GALNTL6: variants seen among roughly 807,000 people sequenced by gnomAD.
GALNTL6 encodes polypeptide N-acetylgalactosaminyltransferase like 6.
Under a neutral mutation model 73.7 loss-of-function variants are expected in GALNTL6, and 46 were observed. That is an observed-to-expected ratio of 0.62 (90% CI 0.49 to 0.80). GALNTL6 has a LOEUF of 0.80. Ranked by LOEUF, GALNTL6 falls within the 30% of genes least tolerant of loss-of-function variation. GALNTL6 has a pLI of 0.00. For missense variants in GALNTL6, 604 were observed against 755.0 expected (o/e 0.80, Z 2.34); for synonymous variants, 259 against 263.7 (o/e 0.98, Z 0.17).
intron 10 of GALNTL6, among the ~76,000 whole-genome samples, chr4:172,975,885 C>T (rs1025803868): frequency 6.6e-6 from 1 of 152,188 alleles, no homozygotes; most frequent in Non-Finnish European, 1.5e-5. Flanking sequence ...CAGGAGTAGG[C>T]ACTTCGGAGC....
At chr4:172,558,947 T>C (rs1032500830) in intron 5 of GALNTL6, among the ~76,000 whole-genome samples, 1 of 152,082 alleles carries the variant, frequency 6.6e-6, no homozygotes, top group Non-Finnish European at 1.5e-5. Flanking sequence ...GTTTATTCAG[T>C]GCTTTTTGTC....
intron 2 of GALNTL6, among the ~76,000 whole-genome samples, chr4:171,909,410 C>A (rs1026993614): frequency 6.6e-6 from 1 of 152,236 alleles, no homozygotes; most frequent in South Asian, 2.1e-4. Context: ...CTGATGCTGG[C>A]TTTCACCTTG....
chr4:171,925,244 T>C lies in GALNTL6; in HGVS notation c.138+110526T>C, dbSNP rs1168519434. Among the ~76,000 whole-genome samples the C allele has an allele frequency of 2.0e-5, 3 of 152,160 alleles. No homozygotes were observed. In the East Asian group the frequency reaches 5.8e-4, roughly 29 times the overall value. Reference sequence around the variant, plus strand: ...AGAACTCAAATGCCTAGAAGGATTTTACCTAAGGATGTCGCAGTGCCTGAG... The same window carrying C: ...AGAACTCAAATGCCTAGAAGGATTTCACCTAAGGATGTCGCAGTGCCTGAG... On this transcript the variant is annotated intron_variant, in intron 2 of 12. Transcript: ENST00000506823.
chr4:172,936,717 G>A (rs1748638353), intron 9 of GALNTL6, among the ~76,000 whole-genome samples: 1 of 152,102 alleles, frequency 6.6e-6, no homozygotes, highest in Non-Finnish European at 1.5e-5. Context: ...GGGATGTGAA[G>A]GACCTCTTCA....
intron 2 of GALNTL6, among the ~76,000 whole-genome samples, chr4:172,097,614 A>G (rs1238533529): frequency 1.3e-5 from 2 of 152,202 alleles, no homozygotes; most frequent in African/African-American, 4.8e-5. Context: ...AGAACCATGA[A>G]AATTAAAGCA....
intron 5 of GALNTL6, among the ~76,000 whole-genome samples, chr4:172,770,273 A>AAATAAATG (rs1243208951): frequency 6.7e-6 from 1 of 150,150 alleles, no homozygotes; most frequent in South Asian, 2.1e-4. Context: ...CTCAATAAAT[A>AAATAAATG]AATAAATAAA....
At chr4:172,939,376 A>G (rs1207335233) in intron 9 of GALNTL6, among the ~76,000 whole-genome samples, 6 of 152,242 alleles carry the variant, frequency 3.9e-5, no homozygotes, top group African/African-American at 9.6e-5. Context: ...GGCATCTTCC[A>G]TAAATAATGT....
At chr4:172,592,969 A>G (rs1737710003) in intron 5 of GALNTL6, among the ~76,000 whole-genome samples, 1 of 152,132 alleles carries the variant, frequency 6.6e-6, no homozygotes, top group Admixed American at 6.5e-5. Context: ...AGGATTTGAA[A>G]TATGAGCACC....
chr4:172,181,978 A>G (rs1011063821), intron 2 of GALNTL6, among the ~76,000 whole-genome samples: 4 of 151,942 alleles, frequency 2.6e-5, no homozygotes, highest in Non-Finnish European at 2.9e-5. Context: ...CGGCCTCCCA[A>G]AGTGCTGGGA....
chr4:172,592,742 G>A (rs1021299002), intron 5 of GALNTL6, among the ~76,000 whole-genome samples: 3 of 151,128 alleles, frequency 2.0e-5, no homozygotes, highest in African/African-American at 7.3e-5. Context: ...AGGATCCTGG[G>A]ATCTTCTCAT....
chr4:172,217,751 T>C (rs1236396276), intron 2 of GALNTL6, among the ~76,000 whole-genome samples: 1 of 152,194 alleles, frequency 6.6e-6, no homozygotes. Context: ...TTTTGTCCTA[T>C]ATGAATATAG....
intron 2 of GALNTL6, among the ~76,000 whole-genome samples, chr4:172,049,371 T>C (rs1391544690): frequency 6.6e-6 from 1 of 152,188 alleles, no homozygotes; most frequent in East Asian, 1.9e-4. Context: ...TGCCCATTTC[T>C]TATCTTTATT....
At chr4:172,053,921 A>C (rs1730948853) in intron 2 of GALNTL6, among the ~76,000 whole-genome samples, 1 of 152,158 alleles carries the variant, frequency 6.6e-6, no homozygotes, top group Admixed American at 6.6e-5. Flanking sequence ...AACAAAAACT[A>C]AAGTAATCAC....
At chr4:172,453,219 A>G (rs1238166382) in intron 5 of GALNTL6, among the ~76,000 whole-genome samples, 1 of 151,832 alleles carries the variant, frequency 6.6e-6, no homozygotes, top group African/African-American at 2.4e-5. Flanking sequence ...AAAAAAAAAG[A>G]TGTGCAATGT....
At chr4:172,784,380 C>T (rs138642551) in intron 5 of GALNTL6, among the ~76,000 whole-genome samples, 1 of 152,084 alleles carries the variant, frequency 6.6e-6, no homozygotes, top group African/African-American at 2.4e-5. Context: ...AGTATTAAAA[C>T]TTTTTCTTCC....
At chr4:172,807,264 C>T (rs377141845) in intron 5 of GALNTL6, among the ~76,000 whole-genome samples, 21 of 152,162 alleles carry the variant, frequency 1.4e-4, no homozygotes, top group East Asian at 9.6e-4. Context: ...CACAATACTG[C>T]TTATATACTC....
intron 3 of GALNTL6, among the ~76,000 whole-genome samples, chr4:172,306,028 C>G (rs1041704606): frequency 1.3e-5 from 2 of 152,046 alleles, no homozygotes; most frequent in Non-Finnish European, 2.9e-5. Flanking sequence ...AATATGCGTA[C>G]AAACATTTTT....
chr4:172,302,017 C>T (rs1406109072), intron 3 of GALNTL6, among the ~76,000 whole-genome samples: 1 of 152,126 alleles, frequency 6.6e-6, no homozygotes, highest in Non-Finnish European at 1.5e-5. Flanking sequence ...TGGGCTCCAC[C>T]CAGTTCAAGA....
intron 5 of GALNTL6, among the ~76,000 whole-genome samples, chr4:172,583,485 A>G (rs1339242389): frequency 6.6e-6 from 1 of 152,200 alleles, no homozygotes; most frequent in Non-Finnish European, 1.5e-5. Flanking sequence ...TTCCATTTTA[A>G]ATTTTAATAT....
Sources: allele counts gnomAD v4.1 joint callset (sites outside exome capture counted in the v4.1 genomes callset), GRCh38; gene constraint gnomAD v4.1.1; transcripts MANE v1.5; gene names NCBI Gene and HGNC (gene_info 2026-07-23, HGNC 2026-07-21).